ARHGAP10: variants seen among roughly 807,000 people sequenced by gnomAD.
ARHGAP10 encodes Rho GTPase activating protein 10.
A neutral mutation model predicts 108.6 loss-of-function variants in ARHGAP10; 87 were observed. That is an observed-to-expected ratio of 0.80 (90% CI 0.67 to 0.96). The LOEUF is 0.96. Among genes scored for constraint, ARHGAP10 ranks in the 40% least tolerant of loss-of-function variants. The pLI is 0.00. For synonymous variants in ARHGAP10, 347 were observed against 341.1 expected (o/e 1.02, Z -0.19); for missense variants, 939 against 954.5 (o/e 0.98, Z 0.21).
intron 18 of ARHGAP10, among the ~76,000 whole-genome samples, chr4:148,008,860 T>G (rs1439593863): frequency 6.6e-6 from 1 of 152,066 alleles, no homozygotes; most frequent in Admixed American, 6.5e-5. Context: ...ATTAAAACAT[T>G]GAATGCAGAA....
intron 18 of ARHGAP10, among the ~76,000 whole-genome samples, chr4:147,975,235 T>TGG (rs1184950466): frequency 7.2e-5 from 11 of 152,096 alleles, no homozygotes; most frequent in Admixed American, 7.2e-4. Context: ...GCCATTGTGG[T>TGG]GGTCTTGCTT....
chr4:147,796,630 A>T (rs1211691551), intron 1 of ARHGAP10, among the ~76,000 whole-genome samples: 2 of 151,990 alleles, frequency 1.3e-5, no homozygotes, highest in Non-Finnish European at 1.5e-5. Context: ...GGTTCAAGCG[A>T]TTCTCCTGCC....
At chr4:147,854,958 T>C (rs1385561182) in intron 4 of ARHGAP10, 1 of 784,118 alleles carries the variant, frequency 1.3e-6, no homozygotes, top group Non-Finnish European at 1.5e-6. Flanking sequence ...CATAGCCTTC[T>C]ATTGCTGAGT....
chr4:147,922,660 C>CT (rs1448632039), intron 13 of ARHGAP10, among the ~76,000 whole-genome samples: 2 of 140,526 alleles, frequency 1.4e-5, no homozygotes, highest in African/African-American at 5.5e-5. Flanking sequence ...TGCACTCCAG[C>CT]CTGGGCGACA....
intron 18 of ARHGAP10, among the ~76,000 whole-genome samples, chr4:148,016,865 C>A (rs1003486864): frequency 4.0e-5 from 6 of 151,546 alleles, no homozygotes; most frequent in African/African-American, 1.5e-4. Flanking sequence ...AGAGCTCAAA[C>A]ACATTTACTG....
intron 1 of ARHGAP10, among the ~76,000 whole-genome samples, chr4:147,765,897 T>C (rs1729787387): frequency 6.6e-6 from 1 of 152,260 alleles, no homozygotes; most frequent in African/African-American, 2.4e-5. Context: ...TACACAATGC[T>C]GTGATTACAG....
At chr4:147,826,955 A>G (rs1358469902) in intron 3 of ARHGAP10, among the ~76,000 whole-genome samples, 1 of 152,144 alleles carries the variant, frequency 6.6e-6, no homozygotes, top group African/African-American at 2.4e-5. Context: ...TGACTGATAC[A>G]TTTCCAAGTC....
chr4:147,964,561 G>A (rs1739133044), intron 16 of ARHGAP10, among the ~76,000 whole-genome samples: 1 of 152,144 alleles, frequency 6.6e-6, no homozygotes, highest in Non-Finnish European at 1.5e-5. Flanking sequence ...GCCACACTGC[G>A]AGTTCTAAGG....
intron 18 of ARHGAP10, among the ~76,000 whole-genome samples, chr4:147,986,559 T>C (rs1280295327): frequency 1.3e-5 from 2 of 152,180 alleles, no homozygotes; most frequent in South Asian, 4.1e-4. Context: ...CTCATACTGC[T>C]TTTAGTGTGC....
At chr4:147,961,497 T>A (rs1738994292) in intron 16 of ARHGAP10, among the ~76,000 whole-genome samples, 1 of 152,246 alleles carries the variant, frequency 6.6e-6, no homozygotes, top group African/African-American at 2.4e-5. Flanking sequence ...GGTCATTTTC[T>A]CTGTGTTGTC....
At chr4:147,738,034 G>C (rs968933782) in intron 1 of ARHGAP10, among the ~76,000 whole-genome samples, 1 of 135,504 alleles carries the variant, frequency 7.4e-6, no homozygotes, top group African/African-American at 2.8e-5. Flanking sequence ...TTTTTTTTTT[G>C]AGGGGACTAG....
rs987770767 is a variant in ARHGAP10, at chr4:147,965,224, C to T, written c.1556+95C>T. 6.3e-6 allele frequency: 5 copies of T among 794,672 alleles called. No individual in the cohort carries two copies. The East Asian group carries it at 1.5e-4, about 24-fold the overall frequency. 49.2% of individuals were successfully genotyped at this position (794,672 alleles called of 1,614,324 possible). A position where few individuals can be genotyped will look rare whatever the true frequency, so the allele number is the denominator to read the frequency against. On this transcript the variant is annotated intron_variant, in intron 17 of 22. Coordinates refer to ENST00000336498, the MANE Select transcript of ARHGAP10 (RefSeq NM_024605.4). The stretch of plus-strand genomic sequence containing the variant: ...GTGACGGGTGGAACTGGGGACCACA[C>T]CTGGAAGGGCAGGCTGAACGTTTGA...
chr4:147,883,855 C>T (rs1009342634), intron 10 of ARHGAP10, among the ~76,000 whole-genome samples: 2 of 152,094 alleles, frequency 1.3e-5, no homozygotes, highest in East Asian at 1.9e-4. Context: ...CTACCAGACC[C>T]GGCTAATTTT....
intron 1 of ARHGAP10, among the ~76,000 whole-genome samples, chr4:147,784,515 AAT>A (rs1375290394): frequency 2.3e-4 from 12 of 51,474 alleles, no homozygotes; most frequent in Admixed American, 6.9e-4. Context: ...TATACTGCAA[AAT>A]ATATATAATA....
chr4:147,981,130 C>T (rs1739791910), intron 18 of ARHGAP10, among the ~76,000 whole-genome samples: 1 of 151,962 alleles, frequency 6.6e-6, no homozygotes, highest in African/African-American at 2.4e-5. Flanking sequence ...TCTTGTTTTT[C>T]TGGTTTCTTT....
chr4:147,817,867 TA>T (rs905293974), intron 1 of ARHGAP10, among the ~76,000 whole-genome samples: 4 of 152,210 alleles, frequency 2.6e-5, no homozygotes, highest in African/African-American at 9.6e-5. Flanking sequence ...CAGAAGAGAA[TA>T]GGGGGCATGG....
intron 1 of ARHGAP10, among the ~76,000 whole-genome samples, chr4:147,797,257 C>T (rs1256096689): frequency 6.6e-6 from 1 of 151,722 alleles, no homozygotes; most frequent in African/African-American, 2.4e-5. Context: ...TCCATGACTC[C>T]TTATTACCCT....
intron 1 of ARHGAP10, among the ~76,000 whole-genome samples, chr4:147,779,486 A>G (rs1175703033): frequency 2.0e-5 from 3 of 152,164 alleles, no homozygotes; most frequent in Non-Finnish European, 4.4e-5. Flanking sequence ...GGGGAAAGCA[A>G]GCTGTAGCAT....
intron 15 of ARHGAP10, among the ~76,000 whole-genome samples, chr4:147,950,999 C>A: frequency 6.6e-6 from 1 of 152,108 alleles, no homozygotes; most frequent in East Asian, 1.9e-4. Flanking sequence ...AGAGAGGTGG[C>A]TCAAAAACAT....
Sources: gnomAD v4.1 joint callset for allele counts (sites outside exome capture counted in the v4.1 genomes callset) on GRCh38, gnomAD v4.1.1 for gene constraint, MANE v1.5 for transcripts, NCBI Gene and HGNC (gene_info 2026-07-23, HGNC 2026-07-21) for gene names.